Variants in SNX4 observed in about 807,000 individuals in gnomAD.
SNX4 encodes sorting nexin 4.
SNX4 carries 49 observed loss-of-function variants against 70.8 expected under a neutral mutation model. The ratio of observed to expected loss-of-function variants is 0.69; its 90% CI spans 0.55 to 0.88. The LOEUF is 0.88. Ranked by LOEUF, SNX4 falls within the 40% of genes least tolerant of loss-of-function variation. SNX4 has a pLI of 0.00. For missense variants in SNX4, 528 were observed against 544.8 expected (o/e 0.97, Z 0.31); for synonymous variants, 206 against 183.8 (o/e 1.12, Z -0.98).
intron 9 of SNX4, among the ~76,000 whole-genome samples, chr3:125,468,950 GTT>G (rs1232172175): frequency 6.6e-6 from 1 of 151,224 alleles, no homozygotes; most frequent in African/African-American, 2.4e-5. Flanking sequence ...TGAAAATATA[GTT>G]TTGCTTCTTC....
rs1490519953 is a variant in SNX4, at chr3:125,479,848, A to G, written c.726+399T>C. ...TTGTCATGGCAGACTATTATCTGAA[A>G]TTAGTTTATTTGGTAGAATTTAAGA... On this transcript the variant is annotated intron_variant, in intron 7 of 13. Coordinates refer to ENST00000251775, the MANE Select transcript of SNX4 (RefSeq NM_003794.4). Among the ~76,000 whole-genome samples, 2 of 152,200 alleles carry G rather than the reference A, an allele frequency of 1.3e-5. 1 individual carries two copies. Among genetic ancestry groups the G allele is most frequent in the African/African-American group, 4.8e-5 (2 of 41,464 alleles).
chr3:125,451,504 T>C (rs1235997259), intron 12 of SNX4, 85 bp from the exon 13 acceptor site: 3 of 887,530 alleles, frequency 3.4e-6, no homozygotes, highest in Non-Finnish European at 5.4e-6. Flanking sequence ...TTGGCGTTGG[T>C]TTTTAATTGC....
chr3:125,506,124 C>T (rs995064386), intron 1 of SNX4, among the ~76,000 whole-genome samples: 17 of 151,992 alleles, frequency 1.1e-4, no homozygotes, highest in African/African-American at 3.6e-4. Context: ...ATAACAAAAA[C>T]AGCAACCCCC....
In SNX4 at chr3:125,496,653, G is replaced by T. The variant is rs556937464; in HGVS notation, c.597+688C>A. Reference sequence around the variant, plus strand: ...TAACCTTTGTTGTATTTCTTTTAGGGAAGAAATAAACAGCAGCATAGAACT... The same window carrying T: ...TAACCTTTGTTGTATTTCTTTTAGGTAAGAAATAAACAGCAGCATAGAACT... On this transcript the variant is annotated intron_variant, in intron 5 of 13. Coordinates refer to ENST00000251775, the MANE Select transcript of SNX4 (RefSeq NM_003794.4). 3.0e-4 allele frequency among the ~76,000 whole-genome samples: 46 copies of T among 152,164 alleles called. No homozygotes were observed. The South Asian group carries it at 3.7e-3, about 12-fold the overall frequency.
chr3:125,478,060 CTTATTA>C (rs762057749), intron 7 of SNX4, among the ~76,000 whole-genome samples: 2 of 149,114 alleles, frequency 1.3e-5, no homozygotes, highest in African/African-American at 2.5e-5. Flanking sequence ...TCTTCTTCTT[CTTATTA>C]TTATTACTAT....
chr3:125,466,456 G>T (rs776088891), intron 9 of SNX4, among the ~76,000 whole-genome samples: 3 of 151,980 alleles, frequency 2.0e-5, no homozygotes, highest in Non-Finnish European at 4.4e-5. Flanking sequence ...ATGACAGTTG[G>T]GACCTAATTA....
intron 1 of SNX4, among the ~76,000 whole-genome samples, chr3:125,519,670 A>G (rs1935357220): frequency 6.6e-6 from 1 of 151,930 alleles, no homozygotes; most frequent in African/African-American, 2.4e-5. Flanking sequence ...CTCACGGTCC[A>G]GATCTCCCAG....
At chr3:125,503,093 G>A (rs1186908383) in intron 2 of SNX4, among the ~76,000 whole-genome samples, 1 of 151,900 alleles carries the variant, frequency 6.6e-6, no homozygotes, top group African/African-American at 2.4e-5. Flanking sequence ...TTTTAGTAGA[G>A]ACGGGGTTTC....
chr3:125,487,697 A>G (rs1438853593), intron 6 of SNX4, among the ~76,000 whole-genome samples: 2 of 151,630 alleles, frequency 1.3e-5, no homozygotes, highest in African/African-American at 2.4e-5. Context: ...GGAACCATAG[A>G]TGCAAATTAA....
rs561893034 is a variant in SNX4, at chr3:125,513,114, G to T, written c.141+6918C>A. On this transcript the variant is annotated intron_variant, in intron 1 of 13. Coordinates refer to ENST00000251775, the MANE Select transcript of SNX4 (RefSeq NM_003794.4). ...TAAAATCCTAACACTCAAGGTGATGGTATTAGGAGGTGGGGCCTTTGGAAA... is the reference window on the plus strand; with the variant it reads ...TAAAATCCTAACACTCAAGGTGATGTTATTAGGAGGTGGGGCCTTTGGAAA... Among the ~76,000 whole-genome samples, 13 of 152,166 alleles carry T rather than the reference G, an allele frequency of 8.5e-5. 1 individual carries two copies. The highest frequency in any genetic ancestry group is 8.5e-4 in the Admixed American group (13 of 15,298).
At chr3:125,513,726 C>A (rs1935216427) in intron 1 of SNX4, among the ~76,000 whole-genome samples, 1 of 152,178 alleles carries the variant, frequency 6.6e-6, no homozygotes. Flanking sequence ...ATAAGAACCA[C>A]CTATTGAAAT....
At chr3:125,510,544 A>C (rs1180176200) in intron 1 of SNX4, among the ~76,000 whole-genome samples, 1 of 152,096 alleles carries the variant, frequency 6.6e-6, no homozygotes, top group Middle Eastern at 3.2e-3. Context: ...GATTTTTTGA[A>C]CGTGATATAT....
intron 1 of SNX4, among the ~76,000 whole-genome samples, chr3:125,512,379 C>G (rs1207246843): frequency 2.6e-5 from 4 of 152,146 alleles, no homozygotes; most frequent in Non-Finnish European, 4.4e-5. Context: ...CCCTGTCATA[C>G]CATCCAGTTA....
intron 8 of SNX4, among the ~76,000 whole-genome samples, chr3:125,476,201 G>A (rs539225797): frequency 5.3e-5 from 8 of 149,856 alleles, no homozygotes; most frequent in African/African-American, 1.7e-4. Context: ...AGGAGGCAGA[G>A]GTTGCAGTGA....
intron 12 of SNX4, among the ~76,000 whole-genome samples, chr3:125,451,968 A>C (rs1328308484): frequency 1.3e-5 from 2 of 152,194 alleles, no homozygotes; most frequent in Non-Finnish European, 2.9e-5. Context: ...CCTTTAAATT[A>C]TTCCTATAAA....
At chr3:125,475,768 G>A (rs985222276) in intron 8 of SNX4, among the ~76,000 whole-genome samples, 1 of 152,210 alleles carries the variant, frequency 6.6e-6, no homozygotes, top group Non-Finnish European at 1.5e-5. Flanking sequence ...CCTGAGCTCA[G>A]GAGGTCAAGA....
chr3:125,483,490 A>C, intron 6 of SNX4, among the ~76,000 whole-genome samples: 1 of 152,260 alleles, frequency 6.6e-6, no homozygotes, highest in East Asian at 1.9e-4. Context: ...GTATAAGAAT[A>C]TAAACAGTAA....
intron 1 of SNX4, among the ~76,000 whole-genome samples, chr3:125,513,488 G>A (rs76140759): frequency 0.54 from 82,142 of 151,672 alleles, 23,891 homozygotes; most frequent in African/African-American, 0.77. Context: ...TTTGGCATAT[G>A]GCAAGAGCTC....
intron 10 of SNX4, among the ~76,000 whole-genome samples, chr3:125,458,814 CAAAAAAAAAAAAAAAAA>C (rs71148180): frequency 2.5e-4 from 16 of 64,534 alleles, no homozygotes; most frequent in African/African-American, 5.7e-4. Flanking sequence ...GACTCCGTCT[CAAAAAAAAAAAAAAAAA>C]AAAAAAAAAA....
Sources: allele counts gnomAD v4.1 joint callset (sites outside exome capture counted in the v4.1 genomes callset), GRCh38; gene constraint gnomAD v4.1.1; transcripts MANE v1.5; gene names NCBI Gene and HGNC (gene_info 2026-07-23, HGNC 2026-07-21).